The following CSMD3 variants were observed in gnomAD, a reference collection of about 807,000 sequenced individuals.
CSMD3 encodes the protein CUB and sushi domain-containing protein 3.
A neutral mutation model predicts 435.2 loss-of-function variants in CSMD3; 177 were observed. The observed-to-expected ratio is 0.41, with a 90% CI of 0.36 to 0.46. CSMD3 has a LOEUF of 0.46. CSMD3 is among the 20% of genes least tolerant of loss of function. The pLI is 0.34. For synonymous variants in CSMD3, 1,656 were observed against 1,520.5 expected (o/e 1.09, Z -2.07); for missense variants, 4,265 against 4,504.6 (o/e 0.95, Z 1.52).
intron 13 of CSMD3, among the ~76,000 whole-genome samples, chr8:112,783,897 A>G (rs1344947297): frequency 6.6e-6 from 1 of 152,082 alleles, no homozygotes; most frequent in Non-Finnish European, 1.5e-5. Flanking sequence ...AAGAGGATAT[A>G]AAACTATACA....
intron 22 of CSMD3, among the ~76,000 whole-genome samples, chr8:112,589,852 T>G (rs947317751): frequency 6.6e-6 from 1 of 152,134 alleles, no homozygotes; most frequent in Admixed American, 6.6e-5. Context: ...GAAAAAGTTA[T>G]CTGTCAGCCA....
chr8:112,868,292 C>G (rs1450272597), intron 10 of CSMD3, among the ~76,000 whole-genome samples: 1 of 151,998 alleles, frequency 6.6e-6, no homozygotes, highest in African/African-American at 2.4e-5. Flanking sequence ...TGTTTTACTG[C>G]TAAAAGAGTA....
intron 3 of CSMD3, among the ~76,000 whole-genome samples, chr8:113,270,901 A>G (rs946710390): frequency 2.0e-5 from 3 of 151,988 alleles, no homozygotes; most frequent in Non-Finnish European, 4.4e-5. Flanking sequence ...ATTGCAGCAC[A>G]CCAACATGGC....
At chr8:112,485,247 T>C (rs150845177) in intron 31 of CSMD3, among the ~76,000 whole-genome samples, 34 of 152,228 alleles carry the variant, frequency 2.2e-4, no homozygotes, top group African/African-American at 7.2e-4. Flanking sequence ...TTAAAATACA[T>C]TACGCTTCTC....
At chr8:112,953,254 A>T (rs1356802360) in intron 8 of CSMD3, among the ~76,000 whole-genome samples, 1 of 151,592 alleles carries the variant, frequency 6.6e-6, no homozygotes, top group African/African-American at 2.4e-5. Context: ...GTTTTATTTC[A>T]TGATGACCTG....
chr8:112,857,987 TATAGAG>T (rs2080713490), intron 11 of CSMD3, among the ~76,000 whole-genome samples: 1 of 151,738 alleles, frequency 6.6e-6, no homozygotes, highest in Non-Finnish European at 1.5e-5. Context: ...TACCCAAGTT[TATAGAG>T]ATAATTTGGG....
At chr8:113,323,388 C>T (rs1421115453) in intron 1 of CSMD3, among the ~76,000 whole-genome samples, 1 of 152,212 alleles carries the variant, frequency 6.6e-6, no homozygotes, top group Non-Finnish European at 1.5e-5. Context: ...TTACTAGTGG[C>T]CAACAAAATT....
intron 5 of CSMD3, among the ~76,000 whole-genome samples, chr8:113,082,400 T>C (rs1588035731): frequency 1.3e-5 from 2 of 152,178 alleles, no homozygotes. Flanking sequence ...GCTAAGTAAA[T>C]CATACAAAGA....
At chr8:112,726,796 C>T (rs1468596990) in intron 13 of CSMD3, among the ~76,000 whole-genome samples, 5 of 151,298 alleles carry the variant, frequency 3.3e-5, no homozygotes, top group East Asian at 1.9e-4. Flanking sequence ...TAAAAAGATA[C>T]GGAAAAAAGG....
At chr8:113,376,662 C>T in intron 1 of CSMD3, 1 of 1,535,254 alleles carries the variant, frequency 6.5e-7, no homozygotes, top group Non-Finnish European at 9.0e-7. Context: ...AGGCAGGAGG[C>T]GCCATCATGG....
intron 4 of CSMD3, among the ~76,000 whole-genome samples, chr8:113,166,330 C>A (rs1165374918): frequency 6.6e-6 from 1 of 151,964 alleles, no homozygotes; most frequent in Non-Finnish European, 1.5e-5. Context: ...TATAGTGAAA[C>A]CACATCTCTA....
intron 4 of CSMD3, among the ~76,000 whole-genome samples, chr8:113,145,181 A>C (rs1392798611): frequency 6.6e-6 from 1 of 151,448 alleles, no homozygotes; most frequent in Non-Finnish European, 1.5e-5. Flanking sequence ...GAAATGGACC[A>C]GTGAGGTAAC....
At chr8:112,727,865 T>C (rs1324090295) in intron 13 of CSMD3, among the ~76,000 whole-genome samples, 2 of 152,024 alleles carry the variant, frequency 1.3e-5, no homozygotes, top group East Asian at 3.9e-4. Context: ...CTATGTGAAG[T>C]AATTTCATTA....
intron 58 of CSMD3, among the ~76,000 whole-genome samples, chr8:112,282,714 A>G (rs772736190): frequency 3.0e-4 from 46 of 152,246 alleles, no homozygotes; most frequent in Non-Finnish European, 5.0e-4. Context: ...ACTAAGCACA[A>G]GTAAAATTAA....
At chr8:113,381,099 A>G (rs1174002677) in intron 1 of CSMD3, among the ~76,000 whole-genome samples, 1 of 152,186 alleles carries the variant, frequency 6.6e-6, no homozygotes, top group African/African-American at 2.4e-5. Flanking sequence ...TCTCTTCAAT[A>G]AAGTTGTCGA....
chr8:113,262,158 T>C (rs780607691), intron 3 of CSMD3, among the ~76,000 whole-genome samples: 2 of 152,060 alleles, frequency 1.3e-5, no homozygotes, highest in Non-Finnish European at 2.9e-5. Context: ...ATTTGAAGCA[T>C]AATATATGAT....
chr8:112,876,110 C>A (rs749272422), intron 10 of CSMD3, among the ~76,000 whole-genome samples: 2 of 152,020 alleles, frequency 1.3e-5, no homozygotes, highest in East Asian at 1.9e-4. Flanking sequence ...GGCACATACA[C>A]CCTCTTAAAA....
intron 7 of CSMD3, among the ~76,000 whole-genome samples, chr8:112,955,224 G>C (rs970540567): frequency 6.6e-6 from 1 of 151,580 alleles, no homozygotes; most frequent in Non-Finnish European, 1.5e-5. Flanking sequence ...TTAAGAAAAT[G>C]ACTTAATTAG....
At chr8:112,564,205 T>C (rs781106949) in intron 24 of CSMD3, among the ~76,000 whole-genome samples, 3 of 151,842 alleles carry the variant, frequency 2.0e-5, no homozygotes, top group South Asian at 2.1e-4. Context: ...TTTTCCATTA[T>C]ATAAATACCT....
Sources: allele counts gnomAD v4.1 joint callset (sites outside exome capture counted in the v4.1 genomes callset), GRCh38; gene constraint gnomAD v4.1.1; transcripts MANE v1.5; gene names NCBI Gene and HGNC (gene_info 2026-07-23, HGNC 2026-07-21).